The following DCC variants were observed in gnomAD, a reference collection of about 807,000 sequenced individuals.
The protein encoded by DCC is netrin receptor DCC.
In DCC, 58 loss-of-function variants were observed where a neutral mutation model predicts 172.5. That is an observed-to-expected ratio of 0.34 (90% CI 0.27 to 0.42). The LOEUF is 0.42. Ranked by LOEUF, DCC falls within the 10% of genes least tolerant of loss-of-function variation. The pLI is 1.00. For missense variants in DCC, 1,740 were observed against 1,791.0 expected (o/e 0.97, Z 0.51); for synonymous variants, 709 against 644.5 (o/e 1.10, Z -1.52).
chr18:53,478,151 G>A (rs549753555), intron 25 of DCC, among the ~76,000 whole-genome samples: 1 of 152,294 alleles, frequency 6.6e-6, no homozygotes, highest in South Asian at 2.1e-4. Context: ...CTGTTTAATG[G>A]AGACCTCAGC....
intron 5 of DCC, among the ~76,000 whole-genome samples, chr18:53,024,834 T>C (rs893431233): frequency 3.3e-5 from 5 of 152,136 alleles, no homozygotes. Context: ...TTATGTCTTT[T>C]ATAGTTAATA....
intron 5 of DCC, among the ~76,000 whole-genome samples, chr18:52,944,851 A>G (rs1189344932): frequency 1.3e-5 from 2 of 152,244 alleles, no homozygotes; most frequent in Non-Finnish European, 2.9e-5. Context: ...GTTTTATTAC[A>G]TCATAAGTTG....
At chr18:53,099,561 T>C (rs1341908068) in intron 7 of DCC, among the ~76,000 whole-genome samples, 1 of 152,168 alleles carries the variant, frequency 6.6e-6, no homozygotes, top group African/African-American at 2.4e-5. Context: ...TAATTTCCTA[T>C]TCTGTGAAAT....
At chr18:52,675,932 G>A (rs182113071) in intron 1 of DCC, among the ~76,000 whole-genome samples, 68 of 152,296 alleles carry the variant, frequency 4.5e-4, no homozygotes, top group African/African-American at 1.6e-3. Flanking sequence ...TTGACTATGT[G>A]GGTAGATAAC....
At chr18:52,879,581 G>A (rs1050354308) in intron 2 of DCC, among the ~76,000 whole-genome samples, 3 of 151,756 alleles carry the variant, frequency 2.0e-5, no homozygotes, top group Non-Finnish European at 4.4e-5. Context: ...ACAAGCATGT[G>A]CCATTATGCC....
intron 2 of DCC, among the ~76,000 whole-genome samples, chr18:52,833,567 G>A (rs1158061987): frequency 2.0e-5 from 3 of 152,082 alleles, no homozygotes; most frequent in Non-Finnish European, 4.4e-5. Context: ...AAAATCTAAA[G>A]TAGAAACTGC....
At chr18:52,530,071 T>C (rs748043270) in intron 1 of DCC, among the ~76,000 whole-genome samples, 1 of 152,234 alleles carries the variant, frequency 6.6e-6, no homozygotes, top group Non-Finnish European at 1.5e-5. Flanking sequence ...TGAAACTATA[T>C]GATGTATAGT....
At chr18:52,665,010 C>T (rs1483622418) in intron 1 of DCC, among the ~76,000 whole-genome samples, 1 of 152,222 alleles carries the variant, frequency 6.6e-6, no homozygotes, top group Non-Finnish European at 1.5e-5. Flanking sequence ...GGTCAATAGA[C>T]AGTTTTATTG....
chr18:52,948,507 C>T (rs937693334), intron 5 of DCC, among the ~76,000 whole-genome samples: 2 of 152,144 alleles, frequency 1.3e-5, no homozygotes, highest in Non-Finnish European at 2.9e-5. Context: ...TGCTTCTCTT[C>T]ATTACAACCC....
intron 7 of DCC, among the ~76,000 whole-genome samples, chr18:53,106,196 G>C (rs975835811): frequency 2.0e-5 from 3 of 151,848 alleles, no homozygotes; most frequent in African/African-American, 7.2e-5. Flanking sequence ...CTCAAAGGAG[G>C]CGTCTTATTT....
intron 1 of DCC, among the ~76,000 whole-genome samples, chr18:52,495,573 T>C (rs940318763): frequency 2.0e-5 from 3 of 152,120 alleles, no homozygotes; most frequent in Non-Finnish European, 4.4e-5. Context: ...ACTTTTCTAG[T>C]TCATCTTGGC....
At chr18:52,424,922 CTTTTT>C (rs34512041) in intron 1 of DCC, among the ~76,000 whole-genome samples, 49,665 of 151,368 alleles carry the variant, frequency 0.33, 8,613 homozygotes, top group Non-Finnish European at 0.39. Flanking sequence ...ATTTCCTTTT[CTTTTT>C]TATTTTCTTT....
intron 7 of DCC, among the ~76,000 whole-genome samples, chr18:53,156,572 A>G (rs144479262): frequency 1.3e-5 from 2 of 152,272 alleles, no homozygotes; most frequent in East Asian, 3.9e-4. Flanking sequence ...CTTTGTCAGA[A>G]ATCATGTGGT....
intron 14 of DCC, among the ~76,000 whole-genome samples, chr18:53,325,605 C>T (rs2057459180): frequency 6.6e-6 from 1 of 152,176 alleles, no homozygotes; most frequent in South Asian, 2.1e-4. Context: ...CCAATTTATA[C>T]ATCTATTTCA....
chr18:52,981,604 C>A (rs1598995682), intron 5 of DCC, among the ~76,000 whole-genome samples: 1 of 151,992 alleles, frequency 6.6e-6, no homozygotes, highest in East Asian at 1.9e-4. Flanking sequence ...GTGTTGCCAA[C>A]AATATATATT....
chr18:53,030,390 T>C (rs2042011580), intron 5 of DCC, among the ~76,000 whole-genome samples: 2 of 152,118 alleles, frequency 1.3e-5, no homozygotes, highest in Admixed American at 1.3e-4. Context: ...ACTGAATAAA[T>C]GAATGGGACT....
At chr18:52,814,920 A>T (rs9952947) in intron 2 of DCC, among the ~76,000 whole-genome samples, 15,932 of 152,218 alleles carry the variant, frequency 0.1, 919 homozygotes, top group South Asian at 0.2. Flanking sequence ...TGGCTAAAAA[A>T]AATGAGGCTA....
chr18:53,410,797 C>A, intron 20 of DCC, 151 bp downstream of exon 20: 2 of 662,788 alleles, frequency 3.0e-6, no homozygotes, highest in South Asian at 1.6e-5. Flanking sequence ...GCTTTTTATG[C>A]TCAAAGCCGA....
intron 12 of DCC, among the ~76,000 whole-genome samples, chr18:53,219,104 A>G (rs999431022): frequency 3.3e-5 from 5 of 152,122 alleles, no homozygotes; most frequent in Admixed American, 2.6e-4. Flanking sequence ...TTAATGTCAT[A>G]CATAATAAGG....
Sources: allele counts gnomAD v4.1 joint callset (sites outside exome capture counted in the v4.1 genomes callset), GRCh38; gene constraint gnomAD v4.1.1; transcripts MANE v1.5; gene names NCBI Gene and HGNC (gene_info 2026-07-23, HGNC 2026-07-21).